The following NKAIN3 variants were observed in gnomAD, a reference collection of about 807,000 sequenced individuals.
The protein encoded by NKAIN3 is sodium/potassium-transporting ATPase subunit beta-1-interacting protein 3.
NKAIN3 carries 25 observed loss-of-function variants against 30.2 expected under a neutral mutation model. The ratio of observed to expected loss-of-function variants is 0.83; its 90% confidence interval spans 0.60 to 1.16. The LOEUF (loss-of-function observed/expected upper bound fraction) is 1.16, where lower values mean the gene tolerates loss of function less well. NKAIN3 is among the 50% of genes most tolerant of loss of function. The pLI is 0.00. For synonymous variants in NKAIN3, 91 were observed against 89.6 expected (o/e 1.02, Z -0.09); for missense variants, 225 against 254.1 (o/e 0.89, Z 0.78).
intron 4 of NKAIN3, among the ~76,000 whole-genome samples, chr8:62,788,606 G>T (rs1392561964): frequency 6.6e-6 from 1 of 152,062 alleles, no homozygotes; most frequent in African/African-American, 2.4e-5. Flanking sequence ...TGAAGTCCTT[G>T]CCCATGCCTA....
intron 1 of NKAIN3, among the ~76,000 whole-genome samples, chr8:62,275,045 G>T (rs796331147): frequency 6.6e-6 from 1 of 152,118 alleles, no homozygotes; most frequent in Admixed American, 6.6e-5. Flanking sequence ...GAATAGTGCC[G>T]CAATAAACAT....
intron 1 of NKAIN3, among the ~76,000 whole-genome samples, chr8:62,522,546 A>G (rs1808190689): frequency 6.6e-6 from 1 of 151,950 alleles, no homozygotes; most frequent in South Asian, 2.1e-4. Flanking sequence ...TTCATAGGAG[A>G]TGACAGCTCC....
chr8:62,959,433 G>GGGGTGTGT (rs1554596787), intron 6 of NKAIN3, among the ~76,000 whole-genome samples: 3 of 143,154 alleles, frequency 2.1e-5, no homozygotes, highest in South Asian at 2.3e-4. Flanking sequence ...GACAAATCAG[G>GGGGTGTGT]GTGTGTGTGT....
chr8:62,664,114 C>A (rs565668454), intron 3 of NKAIN3, among the ~76,000 whole-genome samples: 1 of 152,108 alleles, frequency 6.6e-6, no homozygotes, highest in African/African-American at 2.4e-5. Flanking sequence ...CCTGGTAGAT[C>A]CCCTTTCTCC....
intron 1 of NKAIN3, among the ~76,000 whole-genome samples, chr8:62,393,932 G>A (rs546773045): frequency 3.3e-5 from 5 of 152,186 alleles, no homozygotes; most frequent in Admixed American, 2.6e-4. Flanking sequence ...ATTTTTGCAT[G>A]TTAGTTTATA....
Position 62,918,465 on chromosome 8 carries a change from G to C in NKAIN3, c.484G>C (p.Val162Leu), listed in dbSNP as rs1436005143. ...TTCCCTTTTGCAGTTGGTGGGTTTTGTGTATGCCTGTTATGTGATCAGTAT... is the reference window on the plus strand; with the variant it reads ...TTCCCTTTTGCAGTTGGTGGGTTTTCTGTATGCCTGTTATGTGATCAGTAT... The part of the protein sequence containing the change: ...VQILLSLVGF[V>L]YACYVISISM... Residue 162 changes from valine (V) to leucine (L), a missense_variant, in exon 5 of 7, where the codon GTG becomes CTG. Val to Leu is a conservative substitution (Grantham distance 32). Coordinates refer to ENST00000623646, the MANE Select transcript of NKAIN3 (RefSeq NM_001304533.3). 1 of 1,612,864 alleles carries C rather than the reference G, an allele frequency of 6.2e-7. No homozygotes were observed. Among genetic ancestry groups the C allele is most frequent in the Non-Finnish European group, 8.5e-7 (1 of 1,179,186 alleles).
rs1817622338 is a variant in NKAIN3 at position 62,789,108 on chromosome 8, C to CT, written c.471+41980dup. Among the ~76,000 whole-genome samples the CT allele has an allele frequency of 2.0e-5, 3 of 151,750 alleles. No individual in the cohort carries two copies. In the South Asian group the frequency reaches 6.2e-4, roughly 31 times the overall value. ...GCTTGATGGGGATGGCATTGAATCT[C>CT]TAAATTACCTTGGGCAGTATGGCCA... On this transcript the variant is annotated intron_variant, in intron 4 of 6. Coordinates refer to ENST00000623646, the MANE Select transcript of NKAIN3 (RefSeq NM_001304533.3).
chr8:62,492,184 A>G (rs1319037691), intron 1 of NKAIN3, among the ~76,000 whole-genome samples: 1 of 152,182 alleles, frequency 6.6e-6, no homozygotes, highest in Admixed American at 6.6e-5. Flanking sequence ...GAGCCGGGTC[A>G]GGGATTTTAG....
intron 1 of NKAIN3, among the ~76,000 whole-genome samples, chr8:62,434,000 A>T (rs1805094398): frequency 6.6e-6 from 1 of 152,146 alleles, no homozygotes; most frequent in African/African-American, 2.4e-5. Context: ...AGTCCTGGGC[A>T]CACAGATATG....
intron 4 of NKAIN3, among the ~76,000 whole-genome samples, chr8:62,833,448 A>G (rs1163348061): frequency 6.6e-6 from 1 of 152,038 alleles, no homozygotes; most frequent in African/African-American, 2.4e-5. Flanking sequence ...AAAGAAAAAA[A>G]GAAAGAAGGT....
intron 4 of NKAIN3, among the ~76,000 whole-genome samples, chr8:62,839,303 T>TAAA (rs1179226651): frequency 3.7e-5 from 5 of 136,108 alleles, no homozygotes; most frequent in African/African-American, 1.3e-4. Flanking sequence ...TTGCCTACAT[T>TAAA]AAAAAAAAAA....
chr8:62,847,610 A>G (rs72653294), intron 4 of NKAIN3, among the ~76,000 whole-genome samples: 1 of 152,182 alleles, frequency 6.6e-6, no homozygotes, highest in Non-Finnish European at 1.5e-5. Context: ...GAGTGCAAAA[A>G]ACTGTCTCCC....
intron 1 of NKAIN3, among the ~76,000 whole-genome samples, chr8:62,312,624 C>T (rs1585665441): frequency 7.0e-6 from 1 of 142,228 alleles, no homozygotes; most frequent in Non-Finnish European, 1.5e-5. Flanking sequence ...TTGAGACCAG[C>T]GTGGGCAACA....
intron 4 of NKAIN3, among the ~76,000 whole-genome samples, chr8:62,790,242 G>A (rs1043101322): frequency 6.6e-6 from 1 of 152,044 alleles, no homozygotes; most frequent in African/African-American, 2.4e-5. Flanking sequence ...TGCAGAAAAG[G>A]CCTTTGACAA....
chr8:62,400,660 A>G (rs1803830098), intron 1 of NKAIN3, among the ~76,000 whole-genome samples: 1 of 151,384 alleles, frequency 6.6e-6, no homozygotes, highest in African/African-American at 2.4e-5. Flanking sequence ...TCTTTGAAGG[A>G]TAGTTTCACT....
chr8:62,990,256 A>T (rs1824294459), intron 5 of NKAIN3: 1 of 1,523,366 alleles, frequency 6.6e-7, no homozygotes. Flanking sequence ...TATTATCACC[A>T]AATTGTCACA....
chr8:62,490,146 T>C (rs1039555931), intron 1 of NKAIN3, among the ~76,000 whole-genome samples: 2 of 152,220 alleles, frequency 1.3e-5, no homozygotes, highest in Non-Finnish European at 2.9e-5. Context: ...CAAATACTAA[T>C]CTAGCAGTTT....
intron 4 of NKAIN3, among the ~76,000 whole-genome samples, chr8:62,895,451 C>T (rs1336505963): frequency 6.6e-6 from 1 of 152,208 alleles, no homozygotes; most frequent in Non-Finnish European, 1.5e-5. Flanking sequence ...CTCAGCTCTT[C>T]TCCAAGTCTA....
rs186225551 is a variant in NKAIN3 at position 62,777,870 on chromosome 8, G to C, written c.471+30741G>C. 2.0e-5 allele frequency among the ~76,000 whole-genome samples: 3 copies of C among 152,244 alleles called. No individual in the cohort carries two copies. The East Asian group carries it at 5.8e-4, about 29-fold the overall frequency. ...ACTTTCCAGGTATTCAAAGGTCCTT[G>C]ATTGTTGAGATCTAAGTTTTTGGCT... On this transcript the variant is annotated intron_variant, in intron 4 of 6. Coordinates refer to ENST00000623646, the MANE Select transcript of NKAIN3 (RefSeq NM_001304533.3).
Sources: allele counts gnomAD v4.1 joint callset (sites outside exome capture counted in the v4.1 genomes callset), GRCh38; gene constraint gnomAD v4.1.1; transcripts MANE v1.5; gene names NCBI Gene and HGNC (gene_info 2026-07-23, HGNC 2026-07-21).